The following CSMD1 variants were observed in gnomAD, a reference collection of about 807,000 sequenced individuals.
The protein encoded by CSMD1 is CUB and Sushi multiple domains 1.
CSMD1 carries 213 observed loss-of-function variants against 417.5 expected under a neutral mutation model. The ratio of observed to expected loss-of-function variants is 0.51; its 90% confidence interval spans 0.46 to 0.57. The LOEUF is 0.57. CSMD1 is among the 20% of genes least tolerant of loss of function. The pLI, the probability that CSMD1 is intolerant of heterozygous loss-of-function variation, is 0.00. For missense variants in CSMD1, 6,923 were observed against 4,529.7 expected, an observed-to-expected ratio of 1.53 and a Z score of -15.17; for synonymous variants, 2,862 against 1,736.8, an observed-to-expected ratio of 1.65 and a Z score of -16.11.
chr8:3,134,491 G>A (rs1817969215), intron 41 of CSMD1, among the ~76,000 whole-genome samples: 2 of 152,238 alleles, frequency 1.3e-5, no homozygotes, highest in South Asian at 2.1e-4. Context: ...AGGCAGATCT[G>A]TCAGGTGTCA....
intron 2 of CSMD1, among the ~76,000 whole-genome samples, chr8:4,526,701 T>G (rs1051769257): frequency 1.3e-5 from 2 of 152,226 alleles, no homozygotes; most frequent in Admixed American, 6.5e-5. Context: ...GTAGGGTTAT[T>G]ATAATTATCA....
chr8:3,947,728 C>T (rs1168707221), intron 5 of CSMD1, among the ~76,000 whole-genome samples: 7 of 152,000 alleles, frequency 4.6e-5, no homozygotes, highest in Non-Finnish European at 8.8e-5. Flanking sequence ...TTTTTAACGG[C>T]ACAGAATATA....
intron 23 of CSMD1, among the ~76,000 whole-genome samples, chr8:3,322,545 T>C (rs1231083797): frequency 1.3e-5 from 2 of 152,216 alleles, no homozygotes; most frequent in African/African-American, 4.8e-5. Context: ...CATAACTACC[T>C]ATGGAACTTT....
At chr8:4,131,609 C>G (rs1212536898) in intron 3 of CSMD1, among the ~76,000 whole-genome samples, 1 of 152,068 alleles carries the variant, frequency 6.6e-6, no homozygotes, top group African/African-American at 2.4e-5. Context: ...TAGTTTTACA[C>G]TTGAGAATAG....
intron 3 of CSMD1, among the ~76,000 whole-genome samples, chr8:4,196,538 T>C (rs57681166): frequency 1.3e-5 from 2 of 152,314 alleles, no homozygotes; most frequent in Admixed American, 6.5e-5. Flanking sequence ...TTGCTGGCTG[T>C]AAACTGTGAG....
In CSMD1 at chr8:3,639,736, T is replaced by C. The variant is rs560021400; in HGVS notation, c.1010-22939A>G. On this transcript the variant is annotated intron_variant, in intron 7 of 69. Coordinates refer to ENST00000635120, the MANE Select transcript of CSMD1 (RefSeq NM_033225.6). ...TTTGATTTCTCAATGATTTTTCTTT[T>C]GCATTTATTCACTAATATATACATC... Among the ~76,000 whole-genome samples, 3 of 152,348 alleles carry C rather than the reference T, an allele frequency of 2.0e-5. No homozygotes were observed. In the East Asian group the frequency reaches 5.8e-4, roughly 29 times the overall value.
At chr8:4,662,538 G>T (rs1276479004) in intron 1 of CSMD1, among the ~76,000 whole-genome samples, 1 of 152,058 alleles carries the variant, frequency 6.6e-6, no homozygotes, top group Non-Finnish European at 1.5e-5. Flanking sequence ...AGGCACTTTC[G>T]CTCGTCTCCC....
intron 18 of CSMD1, chr8:3,373,253 G>A (rs1386985647): frequency 1.3e-5 from 2 of 152,134 alleles, no homozygotes; most frequent in South Asian, 2.1e-4. Context: ...AAAAATCTGG[G>A]AGGGAATGTG....
intron 3 of CSMD1, among the ~76,000 whole-genome samples, chr8:4,285,891 C>T (rs924332170): frequency 6.6e-6 from 1 of 152,128 alleles, no homozygotes; most frequent in African/African-American, 2.4e-5. Context: ...GGAAAGTAAT[C>T]CAACTGAAGT....
chr8:4,693,378 C>T (rs960969135), intron 1 of CSMD1, among the ~76,000 whole-genome samples: 3 of 152,170 alleles, frequency 2.0e-5, no homozygotes, highest in African/African-American at 7.2e-5. Context: ...GAGAAAACAG[C>T]TGGATGGTAG....
At chr8:4,753,617 C>T (rs1220568491) in intron 1 of CSMD1, among the ~76,000 whole-genome samples, 1 of 152,166 alleles carries the variant, frequency 6.6e-6, no homozygotes, top group South Asian at 2.1e-4. Context: ...CAGTATCAGG[C>T]GTCTCACTGT....
intron 1 of CSMD1, among the ~76,000 whole-genome samples, chr8:4,786,311 G>C (rs962415122): frequency 6.6e-6 from 1 of 151,976 alleles, no homozygotes; most frequent in Non-Finnish European, 1.5e-5. Context: ...CTACAACCAG[G>C]TTTATTTTAA....
At chr8:4,106,244 G>A (rs1416448064) in intron 3 of CSMD1, among the ~76,000 whole-genome samples, 5 of 152,178 alleles carry the variant, frequency 3.3e-5, no homozygotes, top group African/African-American at 1.2e-4. Flanking sequence ...ATAAACTTCC[G>A]AGCAGGATAA....
In CSMD1 at chr8:3,962,281, C is replaced by A. The variant is rs546908259; in HGVS notation, c.818+35622G>T. Among the ~76,000 whole-genome samples the A allele has an allele frequency of 2.2e-4, 33 of 151,550 alleles. No individual in the cohort carries two copies. In the South Asian group the frequency reaches 6.8e-3, roughly 31 times the overall value. On this transcript the variant is annotated intron_variant, in intron 5 of 69. Transcript: ENST00000635120. Reference sequence around the variant, plus strand: ...ATGATGAGGTTCTTCTGTCCTGGAACTGCCCTACACATTCAACTTGGGATT... The same window carrying A: ...ATGATGAGGTTCTTCTGTCCTGGAAATGCCCTACACATTCAACTTGGGATT...
chr8:4,936,154 A>G (rs1201092694), intron 1 of CSMD1, among the ~76,000 whole-genome samples: 1 of 152,254 alleles, frequency 6.6e-6, no homozygotes, highest in African/African-American at 2.4e-5. Context: ...TTCTTGCTAC[A>G]TCTAGATCCT....
intron 50 of CSMD1, among the ~76,000 whole-genome samples, chr8:3,031,652 C>A (rs1810348298): frequency 6.6e-6 from 1 of 152,024 alleles, no homozygotes; most frequent in Admixed American, 6.6e-5. Context: ...TCATGCTCAG[C>A]CTCCCAAAGT....
chr8:3,983,638 C>A (rs2130208798), intron 5 of CSMD1, among the ~76,000 whole-genome samples: 1 of 152,266 alleles, frequency 6.6e-6, no homozygotes, highest in African/African-American at 2.4e-5. Flanking sequence ...AAACCATAGC[C>A]CACGTGTATC....
At chr8:4,408,207 G>A (rs757963943) in intron 3 of CSMD1, among the ~76,000 whole-genome samples, 27 of 152,320 alleles carry the variant, frequency 1.8e-4, no homozygotes, top group Middle Eastern at 3.4e-3. Flanking sequence ...AAGTTGACAG[G>A]CCCCAGGCCA....
At chr8:3,308,628 A>G (rs1269289679) in intron 23 of CSMD1, 125 bp from the exon 24 acceptor site, 6 of 694,450 alleles carry the variant, frequency 8.6e-6, no homozygotes, top group African/African-American at 3.6e-5. Flanking sequence ...GAGATTGTGA[A>G]TTTACAAAGG....
Sources: allele counts gnomAD v4.1 joint callset (sites outside exome capture counted in the v4.1 genomes callset), GRCh38; gene constraint gnomAD v4.1.1; transcripts MANE v1.5; gene names NCBI Gene and HGNC (gene_info 2026-07-23, HGNC 2026-07-21).